Variants in MTHFD1L observed in about 807,000 individuals in gnomAD.
MTHFD1L encodes the protein methylenetetrahydrofolate dehydrogenase (NADP+ dependent) 1 like.
In MTHFD1L, 81 loss-of-function variants were observed where a neutral mutation model predicts 119.5. That is an observed-to-expected ratio of 0.68 (90% CI 0.57 to 0.82). The LOEUF is 0.82. Among genes scored for constraint, MTHFD1L ranks in the 40% least tolerant of loss-of-function variants. MTHFD1L has a pLI of 0.00. For synonymous variants in MTHFD1L, 430 were observed against 475.2 expected, an observed-to-expected ratio of 0.90 and a Z score of 1.24; for missense variants, 1,125 against 1,253.4, an observed-to-expected ratio of 0.90 and a Z score of 1.55.
intron 20 of MTHFD1L, among the ~76,000 whole-genome samples, chr6:150,973,775 T>G (rs1776135603): frequency 6.6e-6 from 1 of 152,218 alleles, no homozygotes; most frequent in African/African-American, 2.4e-5. Context: ...CATTCTCATC[T>G]GAAAAATGAG....
chr6:151,063,279 A>G (rs17458000), intron 26 of MTHFD1L, among the ~76,000 whole-genome samples: 1 of 152,196 alleles, frequency 6.6e-6, no homozygotes, highest in African/African-American at 2.4e-5. Context: ...GGTGTCAAGT[A>G]AAACTTAATG....
At chr6:151,084,051 GA>G (rs1165077550) in intron 26 of MTHFD1L, among the ~76,000 whole-genome samples, 1 of 152,184 alleles carries the variant, frequency 6.6e-6, no homozygotes, top group African/African-American at 2.4e-5. Context: ...CGAAATACAA[GA>G]AATTCACTTC....
intron 11 of MTHFD1L, among the ~76,000 whole-genome samples, chr6:150,930,829 A>G (rs990546479): frequency 1.3e-5 from 2 of 152,196 alleles, no homozygotes; most frequent in African/African-American, 4.8e-5. Context: ...ACTCAAATGC[A>G]GAACAGATTA....
chr6:151,013,105 G>A (rs910506881), intron 21 of MTHFD1L, among the ~76,000 whole-genome samples: 1 of 152,318 alleles, frequency 6.6e-6, no homozygotes, highest in South Asian at 2.1e-4. Flanking sequence ...ACAAGGCCAG[G>A]CACAGTGTTT....
Position 151,090,943 on chromosome 6 carries a change from C to T in MTHFD1L, c.2848-1524C>T, listed in dbSNP as rs961177575. On this transcript the variant is annotated intron_variant, in intron 26 of 27. Coordinates refer to ENST00000367321, the MANE Select transcript of MTHFD1L (RefSeq NM_015440.5). Reference sequence around the variant, plus strand: ...CGTTCCATGCGACTGGGTGCAGCATCGTTCCATGCGACTGGGTGCAGCATC... The same window carrying T: ...CGTTCCATGCGACTGGGTGCAGCATTGTTCCATGCGACTGGGTGCAGCATC... Among the ~76,000 whole-genome samples, 12 of 124,566 alleles carry T rather than the reference C, an allele frequency of 9.6e-5. 1 individual carries two copies. The South Asian group carries it at 1.9e-3, about 20-fold the overall frequency. 81.7% of individuals were successfully genotyped at this position (124,566 alleles called of 152,430 possible).
intron 26 of MTHFD1L, among the ~76,000 whole-genome samples, chr6:151,079,170 G>A (rs1202951337): frequency 6.6e-6 from 1 of 152,068 alleles, no homozygotes; most frequent in Non-Finnish European, 1.5e-5. Context: ...TGCTGTGAAC[G>A]GTTACATAGC....
chr6:151,097,867 A>G (rs1042726401), intron 27 of MTHFD1L, among the ~76,000 whole-genome samples: 1 of 152,132 alleles, frequency 6.6e-6, no homozygotes, highest in Non-Finnish European at 1.5e-5. Context: ...ACACTCATAT[A>G]TACCCCATAA....
chr6:150,935,437 C>T (rs781131445), intron 11 of MTHFD1L: 124 of 1,613,286 alleles, frequency 7.7e-5, no homozygotes, highest in Non-Finnish European at 1.0e-4. Context: ...GTGAACTGAG[C>T]TCATCAGCTC....
At chr6:150,906,724 C>T (rs1024555741) in intron 8 of MTHFD1L, among the ~76,000 whole-genome samples, 2 of 152,174 alleles carry the variant, frequency 1.3e-5, no homozygotes, top group Non-Finnish European at 2.9e-5. Flanking sequence ...TCCACCAGGA[C>T]CATACTTGAG....
intron 18 of MTHFD1L, among the ~76,000 whole-genome samples, chr6:150,962,914 CTTTTTTTTTTT>C (rs4035893): frequency 8.8e-6 from 1 of 114,148 alleles, no homozygotes; most frequent in Non-Finnish European, 1.8e-5. Flanking sequence ...CTTTTCTTTT[CTTTTTTTTTTT>C]TTTTTTTTGA....
intron 24 of MTHFD1L, among the ~76,000 whole-genome samples, chr6:151,016,129 T>C (rs906775016): frequency 2.0e-5 from 3 of 152,200 alleles, no homozygotes; most frequent in Non-Finnish European, 2.9e-5. Context: ...GTTTAAGCCA[T>C]ATGACAAAGT....
At chr6:150,889,930 G>A (rs1782943686) in intron 7 of MTHFD1L, among the ~76,000 whole-genome samples, 1 of 152,122 alleles carries the variant, frequency 6.6e-6, no homozygotes, top group Non-Finnish European at 1.5e-5. Flanking sequence ...GCTGAGGCAG[G>A]CAGACCACCT....
chr6:150,929,268 A>G (rs1033630058), intron 11 of MTHFD1L, among the ~76,000 whole-genome samples: 1 of 152,168 alleles, frequency 6.6e-6, no homozygotes. Flanking sequence ...AAAGCATTTG[A>G]TTTGTGAAAT....
At chr6:151,034,846 G>T (rs1785915656) in intron 25 of MTHFD1L, among the ~76,000 whole-genome samples, 1 of 152,146 alleles carries the variant, frequency 6.6e-6, no homozygotes, top group Non-Finnish European at 1.5e-5. Context: ...TGATATGGGT[G>T]GTATCCCTGT....
At position 151,092,469 on chromosome 6, in the gene MTHFD1L, G is replaced by A. The variant is rs758180303; in HGVS notation, c.2850G>A (p.Met950Ile). ...AGFIYPLVGT[M>I]STMPGLPTRP... Reference sequence around the variant, plus strand: ...TAACGCTTGGTTTTCTCCCCCAGATGAGCACCATGCCAGGACTGCCCACCC... The same window carrying A: ...TAACGCTTGGTTTTCTCCCCCAGATAAGCACCATGCCAGGACTGCCCACCC... Residue 950 changes from methionine (M) to isoleucine (I), a missense_variant and splice_region_variant, in exon 27 of 28, where the codon ATG (methionine) becomes ATA (isoleucine). Physicochemically the swap from Met to Ile is conservative, Grantham distance 10. Coordinates refer to ENST00000367321, the MANE Select transcript of MTHFD1L (RefSeq NM_015440.5). The A allele has an allele frequency of 2.5e-6, 4 of 1,611,666 alleles. No individual in the cohort carries two copies. The highest frequency in any genetic ancestry group is 3.4e-6 in the Non-Finnish European group (4 of 1,179,340).
At chr6:150,934,839 C>A in intron 11 of MTHFD1L, 1 of 1,183,554 alleles carries the variant, frequency 8.4e-7, no homozygotes, top group Non-Finnish European at 1.2e-6. Context: ...GAAATGCCTG[C>A]CAATGCTTTC....
chr6:151,014,991 C>A lies in MTHFD1L; in HGVS notation c.2408+11C>A. On this transcript the variant is annotated intron_variant, in intron 23 of 27. Coordinates refer to ENST00000367321, the MANE Select transcript of MTHFD1L (RefSeq NM_015440.5). ...TCTGAATGTCTTCAAGTAAGTCCAG[C>A]CTCCTCCTTTAAATGTGGGCATTAT... 6.2e-7 allele frequency: 1 copy of A among 1,609,468 alleles called. No homozygotes were observed. Among genetic ancestry groups the A allele is most frequent in the South Asian group, 1.1e-5 (1 of 90,838 alleles).
intron 26 of MTHFD1L, among the ~76,000 whole-genome samples, 171 bp downstream of exon 26, chr6:151,037,288 T>C (rs1440816427): frequency 1.3e-5 from 2 of 152,224 alleles, no homozygotes; most frequent in Non-Finnish European, 2.9e-5. Context: ...ACTTTTGCCA[T>C]TGTGGTTTGG....
intron 1 of MTHFD1L, among the ~76,000 whole-genome samples, chr6:150,875,657 C>T (rs901788936): frequency 2.6e-5 from 4 of 152,102 alleles, no homozygotes; most frequent in African/African-American, 9.6e-5. Context: ...GTCTTCACCC[C>T]CCTAATCCCC....
Sources: allele counts gnomAD v4.1 joint callset (sites outside exome capture counted in the v4.1 genomes callset), GRCh38; gene constraint gnomAD v4.1.1; transcripts MANE v1.5; gene names NCBI Gene and HGNC (gene_info 2026-07-23, HGNC 2026-07-21).